Variants in IMPG1 observed in about 807,000 individuals in gnomAD.
IMPG1 encodes the protein interphotoreceptor matrix proteoglycan of 150 kDa.
IMPG1 carries 85 observed loss-of-function variants against 92.0 expected under a neutral mutation model. The observed-to-expected ratio is 0.92, with a 90% confidence interval of 0.78 to 1.11. The LOEUF is 1.11. Ranked by LOEUF, IMPG1 falls within the 50% of genes least tolerant of loss-of-function variation. The pLI, the probability that IMPG1 is intolerant of heterozygous loss-of-function variation, is 0.00. For missense variants in IMPG1, 1,022 were observed against 956.0 expected (o/e 1.07, Z -0.91); for synonymous variants, 367 against 334.1 (o/e 1.10, Z -1.08).
chr6:75,964,016 G>A (rs1381802612), intron 12 of IMPG1, among the ~76,000 whole-genome samples: 3 of 152,168 alleles, frequency 2.0e-5, no homozygotes, highest in Non-Finnish European at 2.9e-5. Flanking sequence ...GCAAAAACTT[G>A]GGAGGAAAGG....
intron 12 of IMPG1, among the ~76,000 whole-genome samples, chr6:75,965,666 G>A (rs1224498126): frequency 7.0e-6 from 1 of 142,178 alleles, no homozygotes. Flanking sequence ...GGAGTGCAGT[G>A]TGGCCGGTCT....
At chr6:75,949,001 A>G (rs560042657) in intron 13 of IMPG1, among the ~76,000 whole-genome samples, 40 of 152,322 alleles carry the variant, frequency 2.6e-4, no homozygotes, top group African/African-American at 8.9e-4. Context: ...CCTGAATGGC[A>G]TCATAGAGCT....
intron 5 of IMPG1, among the ~76,000 whole-genome samples, chr6:76,022,576 T>A (rs976164598): frequency 5.9e-5 from 9 of 152,212 alleles, no homozygotes; most frequent in African/African-American, 1.7e-4. Flanking sequence ...TTTCTTAGAA[T>A]ACTGCCCAAG....
chr6:75,982,579 A>C (rs1229862197), intron 12 of IMPG1, among the ~76,000 whole-genome samples: 47 of 135,162 alleles, frequency 3.5e-4, no homozygotes, highest in African/African-American at 4.2e-4. Flanking sequence ...CTATATAGAT[A>C]TATATAGATA....
chr6:76,029,377 T>C (rs1484657036), intron 4 of IMPG1, among the ~76,000 whole-genome samples: 1 of 152,222 alleles, frequency 6.6e-6, no homozygotes, highest in African/African-American at 2.4e-5. Context: ...TTTATGCAAA[T>C]AATTAGGCCA....
At chr6:75,952,511 G>T (rs1202075136) in intron 12 of IMPG1, among the ~76,000 whole-genome samples, 3 of 152,084 alleles carry the variant, frequency 2.0e-5, no homozygotes, top group Non-Finnish European at 4.4e-5. Flanking sequence ...CTCTCACCTG[G>T]GGAGGGTACC....
At position 76,013,109 on chromosome 6, in the gene IMPG1, G is replaced by T. The variant is rs184830354; in HGVS notation, c.808-1885C>A. 3.9e-5 allele frequency among the ~76,000 whole-genome samples: 6 copies of T among 152,298 alleles called. No individual in the cohort carries two copies. In the East Asian group the frequency reaches 1.2e-3, roughly 29 times the overall value. ...GCAGAGAAGAAATGGTTTTCTGGGT[G>T]TGTTGGGAGAGGAGGAAGGAGAAGG... On this transcript the variant is annotated intron_variant, in intron 7 of 16. Coordinates refer to ENST00000369950, the MANE Select transcript of IMPG1 (RefSeq NM_001563.4).
At chr6:76,053,840 T>G (rs1001487984) in intron 1 of IMPG1, among the ~76,000 whole-genome samples, 16 of 152,120 alleles carry the variant, frequency 1.1e-4, no homozygotes, top group African/African-American at 3.9e-4. Context: ...TGGAGTATGT[T>G]GGGAATTCTC....
chr6:76,049,951 C>A (rs148435438), intron 1 of IMPG1, among the ~76,000 whole-genome samples: 19 of 152,190 alleles, frequency 1.2e-4, no homozygotes, highest in African/African-American at 4.6e-4. Flanking sequence ...CTGGAGCTGA[C>A]CTAGATTCTG....
intron 4 of IMPG1, among the ~76,000 whole-genome samples, chr6:76,030,657 A>T (rs1926102): frequency 3.5e-4 from 53 of 151,792 alleles, no homozygotes; most frequent in African/African-American, 1.2e-3. Flanking sequence ...GACTCCAAAC[A>T]GTCATGCAAC....
At chr6:75,924,523 TATATTATA>T (rs1462008779) in intron 15 of IMPG1, among the ~76,000 whole-genome samples, 17 of 70,702 alleles carry the variant, frequency 2.4e-4, no homozygotes, top group Admixed American at 5.2e-4. Context: ...AATATAATTA[TATATTATA>T]ATATAATTAT....
chr6:75,996,195 G>A (rs1289480075), intron 12 of IMPG1, among the ~76,000 whole-genome samples: 1 of 152,148 alleles, frequency 6.6e-6, no homozygotes, highest in Non-Finnish European at 1.5e-5. Context: ...GGAAATCAAC[G>A]TGCACTAGTG....
At chr6:75,928,190 C>CCTTTCTTT (rs1554226820) in intron 15 of IMPG1, among the ~76,000 whole-genome samples, 1 of 151,284 alleles carries the variant, frequency 6.6e-6, no homozygotes, top group Non-Finnish European at 1.5e-5. Flanking sequence ...CACCCCTCAA[C>CCTTTCTTT]CTTTCTTTCT....
chr6:75,945,507 T>A (rs973941116), intron 14 of IMPG1, among the ~76,000 whole-genome samples: 2 of 151,950 alleles, frequency 1.3e-5, no homozygotes, highest in Non-Finnish European at 2.9e-5. Flanking sequence ...CCCACCACCA[T>A]GCCAGGCTTA....
At chr6:75,944,677 T>G (rs1211598385) in intron 14 of IMPG1, among the ~76,000 whole-genome samples, 1 of 152,220 alleles carries the variant, frequency 6.6e-6, no homozygotes, top group South Asian at 2.1e-4. Flanking sequence ...GTATGAACTA[T>G]AAGTTCACCG....
intron 1 of IMPG1, among the ~76,000 whole-genome samples, chr6:76,055,228 TA>T (rs908225799): frequency 2.0e-5 from 3 of 152,068 alleles, no homozygotes; most frequent in Non-Finnish European, 4.4e-5. Context: ...GTTCTCAGAC[TA>T]ATAGAGAAGT....
rs937395908 is a variant in IMPG1 at position 75,921,716 on chromosome 6, T to C, written c.*373A>G. On this transcript the variant is annotated 3_prime_UTR_variant, in exon 17 of 17. Transcript: ENST00000369950. Reference sequence around the variant, plus strand: ...CTTTCTAGCATATAAAGAGTTTGCTTCCCAATAAATTGTTCAGTCCCTAAA... The same window carrying C: ...CTTTCTAGCATATAAAGAGTTTGCTCCCCAATAAATTGTTCAGTCCCTAAA... The C allele has an allele frequency of 1.5e-5, 3 of 202,468 alleles. No individual in the cohort carries two copies. Among genetic ancestry groups the C allele is most frequent in the African/African-American group, 7.2e-5 (3 of 41,894 alleles). The allele number at this position is 202,468 out of a possible 1,614,324, so 12.5% of individuals were successfully genotyped here. A position where few individuals can be genotyped will look rare whatever the true frequency, so the allele number is the denominator to read the frequency against.
intron 1 of IMPG1, among the ~76,000 whole-genome samples, chr6:76,060,791 C>A (rs540098139): frequency 6.6e-6 from 1 of 152,096 alleles, no homozygotes. Flanking sequence ...CAAGAAGGGG[C>A]GGTGTGGATG....
intron 12 of IMPG1, among the ~76,000 whole-genome samples, chr6:75,973,443 C>T (rs958491404): frequency 8.5e-5 from 13 of 152,084 alleles, no homozygotes; most frequent in African/African-American, 2.9e-4. Flanking sequence ...TGCCTGTTGA[C>T]TTTGTGTCAG....
Sources: allele counts gnomAD v4.1 joint callset (sites outside exome capture counted in the v4.1 genomes callset), GRCh38; gene constraint gnomAD v4.1.1; transcripts MANE v1.5; gene names NCBI Gene and HGNC (gene_info 2026-07-23, HGNC 2026-07-21).